Variants in KCNQ5 observed in about 807,000 individuals in gnomAD.
KCNQ5 encodes the protein potassium voltage-gated channel subfamily KQT member 5.
A neutral mutation model predicts 98.2 loss-of-function variants in KCNQ5; 30 were observed. That is an observed-to-expected ratio of 0.31 (90% CI 0.23 to 0.41). The LOEUF (loss-of-function observed/expected upper bound fraction) is 0.41, where lower values mean the gene tolerates loss of function less well. Among genes scored for constraint, KCNQ5 ranks in the 10% least tolerant of loss-of-function variants. KCNQ5 has a pLI of 1.00. For synonymous variants in KCNQ5, 458 were observed against 449.4 expected, an observed-to-expected ratio of 1.02 and a Z score of -0.24; for missense variants, 835 against 1,182.5, an observed-to-expected ratio of 0.71 and a Z score of 4.31.
intron 10 of KCNQ5, among the ~76,000 whole-genome samples, chr6:73,158,363 T>C (rs1777468287): frequency 6.7e-6 from 1 of 150,056 alleles, no homozygotes. Context: ...GCCTCCCGGG[T>C]TCGAACGATT....
intron 5 of KCNQ5, among the ~76,000 whole-genome samples, chr6:73,083,173 C>T (rs1019567295): frequency 6.6e-6 from 1 of 152,140 alleles, no homozygotes; most frequent in Non-Finnish European, 1.5e-5. Flanking sequence ...GGATTACAGG[C>T]GTGAGCCACT....
intron 10 of KCNQ5, among the ~76,000 whole-genome samples, chr6:73,140,270 A>G (rs563331180): frequency 6.6e-6 from 1 of 152,210 alleles, no homozygotes; most frequent in East Asian, 1.9e-4. Context: ...TTCCAATGGC[A>G]TCTTCCTCCC....
chr6:73,057,662 A>C (rs1403950549), intron 3 of KCNQ5, among the ~76,000 whole-genome samples: 2 of 152,208 alleles, frequency 1.3e-5, no homozygotes, highest in African/African-American at 2.4e-5. Flanking sequence ...AATATTGTTA[A>C]AATGGCCATA....
At chr6:73,042,152 G>T (rs1183778899) in intron 3 of KCNQ5, 90 bp downstream of exon 3, 2 of 1,486,224 alleles carry the variant, frequency 1.3e-6, no homozygotes, top group South Asian at 2.3e-5. Context: ...AATATTAAAA[G>T]CTAACATCCA....
At chr6:72,779,253 A>C (rs184737133) in intron 1 of KCNQ5, among the ~76,000 whole-genome samples, 21 of 152,306 alleles carry the variant, frequency 1.4e-4, no homozygotes, top group Non-Finnish European at 2.4e-4. Flanking sequence ...TCCTGGAGGA[A>C]GAAGGAGAGG....
rs146504137 is a variant in KCNQ5 at position 72,682,358 on chromosome 6, G to A, written c.398+59771G>A. Among the ~76,000 whole-genome samples, 12 of 152,250 alleles carry A rather than the reference G, an allele frequency of 7.9e-5. No individual in the cohort carries two copies. In the East Asian group the frequency reaches 1.7e-3, roughly 22 times the overall value. On this transcript the variant is annotated intron_variant, in intron 1 of 13. Coordinates refer to ENST00000370398, the MANE Select transcript of KCNQ5 (RefSeq NM_019842.4). ...CCCTTAAAGGTGTTTGTTTCTGAAGGTACTGGAAGTGATAATATTCTAAAT... is the reference window on the plus strand; with the variant it reads ...CCCTTAAAGGTGTTTGTTTCTGAAGATACTGGAAGTGATAATATTCTAAAT...
chr6:72,877,355 G>T (rs189719435), intron 1 of KCNQ5, among the ~76,000 whole-genome samples: 2 of 152,092 alleles, frequency 1.3e-5, no homozygotes, highest in African/African-American at 4.8e-5. Flanking sequence ...GAGGATAATA[G>T]CTTCCAGCTT....
intron 1 of KCNQ5, among the ~76,000 whole-genome samples, chr6:72,973,326 A>C (rs1767993604): frequency 6.6e-6 from 1 of 152,184 alleles, no homozygotes; most frequent in Admixed American, 6.5e-5. Context: ...TCTCTAAAAA[A>C]ACCTAAGTCA....
intron 5 of KCNQ5, among the ~76,000 whole-genome samples, chr6:73,086,746 A>G (rs1418412): frequency 0.13 from 20,481 of 152,250 alleles, 2,611 homozygotes; most frequent in African/African-American, 0.34. Flanking sequence ...AATACAACAG[A>G]CTATCACTCA....
intron 2 of KCNQ5, among the ~76,000 whole-genome samples, chr6:73,041,294 G>A (rs977910992): frequency 6.6e-6 from 1 of 152,126 alleles, no homozygotes; most frequent in African/African-American, 2.4e-5. Flanking sequence ...TGTTTTCTAG[G>A]CAGCTCTTGC....
intron 1 of KCNQ5, among the ~76,000 whole-genome samples, chr6:72,665,447 G>A (rs1357437202): frequency 6.6e-6 from 1 of 151,566 alleles, no homozygotes; most frequent in Non-Finnish European, 1.5e-5. Context: ...TAAATCTATT[G>A]TCATCATTTA....
At chr6:72,636,250 A>G (rs1409028332) in intron 1 of KCNQ5, among the ~76,000 whole-genome samples, 1 of 152,158 alleles carries the variant, frequency 6.6e-6, no homozygotes, top group African/African-American at 2.4e-5. Flanking sequence ...AGTTAAAAAT[A>G]TTTACCCCAG....
chr6:73,011,462 A>G (rs1296270827), intron 2 of KCNQ5, among the ~76,000 whole-genome samples: 3 of 152,174 alleles, frequency 2.0e-5, no homozygotes, highest in Non-Finnish European at 4.4e-5. Context: ...CTTACCTAAG[A>G]CAATACACAA....
chr6:72,840,532 C>A (rs1427070023), intron 1 of KCNQ5, among the ~76,000 whole-genome samples: 1 of 152,134 alleles, frequency 6.6e-6, no homozygotes, highest in Non-Finnish European at 1.5e-5. Context: ...CTGTGAAGAT[C>A]TGAAACTCAA....
At chr6:73,061,898 T>A (rs1183821349) in intron 3 of KCNQ5, among the ~76,000 whole-genome samples, 2 of 152,122 alleles carry the variant, frequency 1.3e-5, no homozygotes, top group African/African-American at 4.8e-5. Context: ...AATCGATACC[T>A]ACAATCAGAA....
intron 1 of KCNQ5, among the ~76,000 whole-genome samples, chr6:72,786,874 C>T (rs528188892): frequency 1.6e-4 from 24 of 151,710 alleles, no homozygotes; most frequent in African/African-American, 4.1e-4. Flanking sequence ...GGCGTGGTGG[C>T]GGGCACCTGT....
intron 1 of KCNQ5, among the ~76,000 whole-genome samples, chr6:72,699,576 CCACTCTATTAGAAGCTATATAAATAT>C (rs1759395798): frequency 6.6e-6 from 1 of 152,042 alleles, no homozygotes; most frequent in Non-Finnish European, 1.5e-5. Flanking sequence ...GCCAATTTCC[CCACTCTATTAGAAGCTATATAAATAT>C]CACAATTAAA....
At chr6:73,180,606 C>T (rs1778374277) in intron 11 of KCNQ5, among the ~76,000 whole-genome samples, 1 of 152,182 alleles carries the variant, frequency 6.6e-6, no homozygotes, top group South Asian at 2.1e-4. Context: ...CACCACATGC[C>T]ACCATCACCC....
intron 7 of KCNQ5, among the ~76,000 whole-genome samples, chr6:73,119,132 T>C (rs1775640827): frequency 6.6e-6 from 1 of 152,258 alleles, no homozygotes; most frequent in African/African-American, 2.4e-5. Flanking sequence ...ACCTGGCCAT[T>C]AGAGATGTTT....
Sources: gnomAD v4.1 joint callset for allele counts (sites outside exome capture counted in the v4.1 genomes callset) on GRCh38, gnomAD v4.1.1 for gene constraint, MANE v1.5 for transcripts, NCBI Gene and HGNC (gene_info 2026-07-23, HGNC 2026-07-21) for gene names.